The following IGSF9 variants were observed in gnomAD, a reference collection of about 807,000 sequenced individuals.
The protein encoded by IGSF9 is immunoglobulin superfamily member 9, also known as protein turtle homolog A.
A neutral mutation model predicts 121.7 loss-of-function variants in IGSF9; 87 were observed. The ratio of observed to expected loss-of-function variants is 0.71; its 90% CI spans 0.60 to 0.85. The LOEUF (loss-of-function observed/expected upper bound fraction) is 0.85. Among genes scored for constraint, IGSF9 ranks in the 40% least tolerant of loss-of-function variants. The pLI, the probability that IGSF9 is intolerant of heterozygous loss-of-function variation, is 0.00. For synonymous variants in IGSF9, 640 were observed against 648.4 expected, an observed-to-expected ratio of 0.99 and a Z score of 0.20; for missense variants, 1,462 against 1,565.3, an observed-to-expected ratio of 0.93 and a Z score of 1.11.
intron 3 of IGSF9, among the ~76,000 whole-genome samples, chr1:159,942,134 C>T (rs1239812292): frequency 1.3e-5 from 2 of 152,232 alleles, no homozygotes; most frequent in African/African-American, 4.8e-5. Context: ...CCAGACCTGT[C>T]CTTAGGGCCT....
At chr1:159,935,209 G>T (rs1042178473) in intron 6 of IGSF9, among the ~76,000 whole-genome samples, 1 of 152,096 alleles carries the variant, frequency 6.6e-6, no homozygotes, top group Non-Finnish European at 1.5e-5. Flanking sequence ...TCAAGATGCT[G>T]CAGCAGCCCC....
intron 9 of IGSF9, 80 bp downstream of exon 9, chr1:159,934,110 A>C: frequency 6.7e-7 from 1 of 1,488,620 alleles, no homozygotes; most frequent in Non-Finnish European, 9.2e-7. Context: ...AACTGAATTA[A>C]ACCGAGCTAA....
intron 18 of IGSF9, 165 bp downstream of exon 18, chr1:159,929,186 A>G: frequency 7.8e-7 from 1 of 1,287,946 alleles, no homozygotes; most frequent in Admixed American, 1.9e-5. Context: ...GCCATACTGG[A>G]ACGGCCTCAG....
intron 4 of IGSF9, 89 bp downstream of exon 4, chr1:159,937,597 A>T: frequency 1.3e-5 from 18 of 1,400,744 alleles, no homozygotes; most frequent in Non-Finnish European, 1.6e-5. Context: ...ATGGAAATAG[A>T]ACTCCCTCTT....
intron 1 of IGSF9, 78 bp from the exon 2 acceptor site, chr1:159,943,706 C>A: frequency 2.5e-6 from 1 of 399,714 alleles, no homozygotes; most frequent in Non-Finnish European, 4.4e-6. Context: ...TAGAGAAAGG[C>A]ACTGGGAAGA....
At chr1:159,929,591 G>A (rs1650896052) in intron 17 of IGSF9, 47 bp downstream of exon 17, 2 of 1,561,952 alleles carry the variant, frequency 1.3e-6, no homozygotes, top group African/African-American at 2.7e-5. Context: ...GCTTAAGGAG[G>A]CTAGGCCCAA....
Position 159,930,885 on chromosome 1 carries a change from A to C in IGSF9, c.1638-18T>G. 6.3e-7 allele frequency: 1 copy of C among 1,585,348 alleles called. No homozygotes were observed. The highest frequency in any genetic ancestry group is 2.3e-5 in the East Asian group (1 of 44,336). On this transcript the variant is annotated intron_variant, in intron 13 of 20. Transcript: ENST00000368094. ...GCTTGGCCCTGGGAGACATGAGGAC[A>C]TGGGGGGCACCTCGTGAGCTAGGAA... is the stretch of plus-strand genomic sequence containing the variant.
intron 18 of IGSF9, 74 bp downstream of exon 18, chr1:159,929,277 C>T (rs1328892898): frequency 4.5e-6 from 7 of 1,546,880 alleles, no homozygotes; most frequent in Non-Finnish European, 6.3e-6. Context: ...GGTAAAGATG[C>T]AAAAAAGGAA....
chr1:159,942,117 C>T (rs1651402563), intron 3 of IGSF9, among the ~76,000 whole-genome samples: 1 of 152,238 alleles, frequency 6.6e-6, no homozygotes, highest in African/African-American at 2.4e-5. Context: ...CTCTCTCGCC[C>T]CATAGCCCAG....
In IGSF9 at chr1:159,932,420, GCCCCA is replaced by G; in HGVS notation, c.1245+87_1245+91del. 12 of 1,021,768 alleles carry G rather than the reference GCCCCA, an allele frequency of 1.2e-5. No individual in the cohort carries two copies. Among genetic ancestry groups the G allele is most frequent in the Non-Finnish European group, 1.6e-5 (11 of 688,992 alleles). 63.3% of individuals were successfully genotyped at this position (1,021,768 alleles called of 1,614,324 possible). ...CTTGGAAACCCCTCCCCATGTGTCT[GCCCCA>G]CCCCACCCCCATCAGCCTGGCCTTA... On this transcript the variant is annotated intron_variant, in intron 10 of 20. Coordinates refer to ENST00000368094, the MANE Select transcript of IGSF9 (RefSeq NM_001135050.2). This position sits in a 1 kb window ranked among gnomAD's most constrained non-coding sequence, Gnocchi z 4.1.
chr1:159,945,458 C>T (rs1028033484), intron 1 of IGSF9, 115 bp downstream of exon 1: 1 of 152,368 alleles, frequency 6.6e-6, no homozygotes, highest in Non-Finnish European at 1.5e-5. Context: ...TCCCCTAGTT[C>T]TACTCCTGCA....
Position 159,934,744 on chromosome 1 carries a change from T to A in IGSF9, c.752A>T (p.Glu251Val). The A allele has an allele frequency of 6.2e-7, 1 of 1,614,188 alleles. No individual in the cohort carries two copies. The highest frequency in any genetic ancestry group is 8.5e-7 in the Non-Finnish European group (1 of 1,180,016). Residue 251 changes from glutamate to valine, a missense_variant, in exon 7 of 21, where the codon GAG becomes GTG. Physicochemically the swap from Glu to Val is moderately radical, Grantham distance 121 (BLOSUM62 -2). Coordinates refer to ENST00000368094, the MANE Select transcript of IGSF9 (RefSeq NM_001135050.2). ...SQDVSLACHA[E>V]AYPANLTYSW... ...GTAGGTGAGGTTAGCAGGGTATGCC[T>A]CAGCATGGCAGGCCAATGAAACATC...
rs200969104 is a variant in IGSF9 at position 159,929,695 on chromosome 1, C to T, written c.2269G>A (p.Gly757Ser). 3.3e-4 allele frequency: 526 copies of T among 1,597,912 alleles called. 1 individual carries two copies. Among genetic ancestry groups the T allele is most frequent in the Non-Finnish European group, 4.4e-4 (514 of 1,173,714 alleles). The change falls in exon 17 of 21, where the codon GGC becomes AGC. Residue 757 changes from glycine (G) to serine (S), a missense_variant. Physicochemically the swap from Gly to Ser is moderately conservative, Grantham distance 56. This residue lies in a region of IGSF9 where 808 missense variants were observed against 815.2 expected (regional missense o/e 0.99). Coordinates refer to ENST00000368094, the MANE Select transcript of IGSF9 (RefSeq NM_001135050.2). ...GCCCTGCGCCGGTTCAGGAGGCAGC[C>T]GGCCAGGATGCTCACAAGGACGGCC... ...GVAVLVSILA[G>S]CLLNRRRAAR...
chr1:159,942,062 G>A (rs1451014505), intron 3 of IGSF9, among the ~76,000 whole-genome samples: 1 of 152,208 alleles, frequency 6.6e-6, no homozygotes, highest in Non-Finnish European at 1.5e-5. Flanking sequence ...ATCCTCCCAG[G>A]TGGCCTTTCC....
rs1284713025 is a variant in IGSF9 at position 159,937,725 on chromosome 1, C to T, written c.361G>A (p.Asp121Asn). 5.6e-6 allele frequency: 9 copies of T among 1,613,918 alleles called. No homozygotes were observed. The African/African-American group carries it at 6.7e-5, about 12-fold the overall frequency. Residue 121 changes from aspartate to asparagine, a missense_variant, in exon 4 of 21, where the codon GAT (aspartate) becomes AAT (asparagine). Physicochemically the swap from Asp to Asn is conservative, Grantham distance 23. Transcript: ENST00000368094. ...TGCACCCAGGAGCCGTTAGCAAAAT[C>T]GTCTTCAGGGATGTGCTGGTCCAGG... is the stretch of plus-strand genomic sequence containing the variant. ...FFLDQHIPED[D>N]FANGSWVHLT...
intron 3 of IGSF9, among the ~76,000 whole-genome samples, chr1:159,939,654 T>G (rs1651312839): frequency 1.3e-5 from 2 of 152,226 alleles, no homozygotes. Context: ...TTTGCTTCCA[T>G]TCTACCTCTA....
Position 159,927,278 on chromosome 1 carries a change from G to T in IGSF9, c.*67C>A. 1 of 1,589,150 alleles carries T rather than the reference G, an allele frequency of 6.3e-7. No homozygotes were observed. The highest frequency in any genetic ancestry group is 8.6e-7 in the Non-Finnish European group (1 of 1,160,240). On this transcript the variant is annotated 3_prime_UTR_variant, in exon 21 of 21. Transcript: ENST00000368094. ...GGGGCAGTGCCCTCGTTTGAAACTAGGTCTGTCTGGTTGGGGGCCTCCTTT... is the reference window on the plus strand; with the variant it reads ...GGGGCAGTGCCCTCGTTTGAAACTATGTCTGTCTGGTTGGGGGCCTCCTTT...
At position 159,927,238 on chromosome 1, in the gene IGSF9, C is replaced by T; in HGVS notation, c.*107G>A. ...CACTATCAGGGTCTGTGCCTGGGCA[C>T]CAAAGGGGCAGGCAGGGGCAGTGCC... On this transcript the variant is annotated 3_prime_UTR_variant, in exon 21 of 21. Transcript: ENST00000368094. The T allele has an allele frequency of 7.3e-7, 1 of 1,378,106 alleles. No homozygotes were observed. The highest frequency in any genetic ancestry group is 1.0e-6 in the Non-Finnish European group (1 of 974,520). The allele number at this position is 1,378,106 out of a possible 1,614,324, so 85.4% of individuals were successfully genotyped here. A position where few individuals can be genotyped will look rare whatever the true frequency, so the allele number is the denominator to read the frequency against.
chr1:159,932,408 C>A lies in IGSF9; in HGVS notation c.1245+104G>T. ...ATGGGAAACAAACTTGGAAACCCCT[C>A]CCCATGTGTCTGCCCCACCCCACCC... On this transcript the variant is annotated intron_variant, in intron 10 of 20. Transcript: ENST00000368094. The surrounding 1 kb of genome is among the most constrained non-coding windows in gnomAD (Gnocchi z 4.1). The A allele has an allele frequency of 6.5e-6, 7 of 1,077,668 alleles. No homozygotes were observed. The highest frequency in any genetic ancestry group is 6.7e-6 in the Non-Finnish European group (5 of 741,656). 66.8% of individuals were successfully genotyped at this position (1,077,668 alleles called of 1,614,324 possible).
Sources: allele counts gnomAD v4.1 joint callset (sites outside exome capture counted in the v4.1 genomes callset), GRCh38; gene constraint gnomAD v4.1.1; regional missense constraint gnomAD v4.1.1; non-coding constraint Gnocchi (gnomAD v3.1); transcripts MANE v1.5; gene names NCBI Gene and HGNC (gene_info 2026-07-23, HGNC 2026-07-21).